The following GGNBP2 variants were observed in gnomAD, a reference collection of about 807,000 sequenced individuals.
GGNBP2 encodes the protein gametogenetin-binding protein 2.
In GGNBP2, 10 loss-of-function variants were observed where a neutral mutation model predicts 85.9. That is an observed-to-expected ratio of 0.12 (90% CI 0.07 to 0.20). The LOEUF (loss-of-function observed/expected upper bound fraction) is 0.20, where lower values mean the gene tolerates loss of function less well. GGNBP2 is among the 10% of genes least tolerant of loss of function. The pLI is 1.00. For missense variants in GGNBP2, 595 were observed against 857.8 expected (o/e 0.69, Z 3.83); for synonymous variants, 287 against 285.7 (o/e 1.00, Z -0.05).
At chr17:36,579,985 G>A (rs1599544981) in intron 8 of GGNBP2, among the ~76,000 whole-genome samples, 3 of 151,806 alleles carry the variant, frequency 2.0e-5, no homozygotes, top group African/African-American at 7.3e-5. Flanking sequence ...ACTCCAGCCT[G>A]GGCAACAAGA....
rs200851343 is a variant in GGNBP2, at chr17:36,557,084, G to A, written c.176G>A (p.Arg59Gln). 3.5e-4 allele frequency: 571 copies of A among 1,613,750 alleles called. No homozygotes were observed. Among genetic ancestry groups the A allele is most frequent in the Non-Finnish European group, 4.5e-4 (527 of 1,179,902 alleles). ...NGAQLKQFIQ[R>Q]HGMLKQQDLS... ...TTTCATTTTCTTTCCCTCTTTCAGCGACATGGTATGCTTAAGCAACAGGAT... is the reference window on the plus strand; with the variant it reads ...TTTCATTTTCTTTCCCTCTTTCAGCAACATGGTATGCTTAAGCAACAGGAT... Residue 59 changes from arginine (R) to glutamine (Q), a missense_variant and splice_region_variant, in exon 4 of 14, where the codon CGA (arginine) becomes CAA (glutamine). By Grantham distance (43) the Arg-to-Gln change is conservative. This residue lies in a region of GGNBP2 where 216 missense variants were observed against 293.4 expected (regional missense o/e 0.74). Coordinates refer to ENST00000613102, the MANE Select transcript of GGNBP2 (RefSeq NM_024835.5).
chr17:36,575,950 A>G (rs1488162969), intron 6 of GGNBP2, among the ~76,000 whole-genome samples: 2 of 150,756 alleles, frequency 1.3e-5, no homozygotes, highest in East Asian at 4.0e-4. Context: ...CCCAGCCCAT[A>G]TCTTCATTTT....
At chr17:36,555,423 G>A (rs779780929) in intron 3 of GGNBP2, among the ~76,000 whole-genome samples, 5 of 152,238 alleles carry the variant, frequency 3.3e-5, no homozygotes, top group Non-Finnish European at 5.9e-5. Context: ...GCTAGGCATG[G>A]TGGCTCATGC....
intron 9 of GGNBP2, among the ~76,000 whole-genome samples, chr17:36,583,922 A>G (rs566123549): frequency 1.3e-5 from 2 of 152,356 alleles, no homozygotes; most frequent in African/African-American, 4.8e-5. Flanking sequence ...CCGTTGGACT[A>G]TATTGGACTT....
In GGNBP2 at chr17:36,567,514, A is replaced by G; in HGVS notation, c.528-149A>G. On this transcript the variant is annotated intron_variant, in intron 5 of 13. Coordinates refer to ENST00000613102, the MANE Select transcript of GGNBP2 (RefSeq NM_024835.5). ...ATGAGAAATAGTGAAGGCCACAGGA[A>G]GGACGGCAAGTATAGGATCATTTTC... 8.6e-6 allele frequency: 5 copies of G among 579,680 alleles called. No individual in the cohort carries two copies. In the South Asian group the frequency reaches 1.1e-4, roughly 13 times the overall value. 35.9% of individuals were successfully genotyped at this position (579,680 alleles called of 1,614,324 possible).
intron 6 of GGNBP2, 142 bp from the exon 7 acceptor site, chr17:36,577,841 T>G: frequency 1.5e-6 from 1 of 686,528 alleles, no homozygotes; most frequent in Non-Finnish European, 2.6e-6. Context: ...TTACCTTATG[T>G]GCGTATGTTT....
intron 5 of GGNBP2, among the ~76,000 whole-genome samples, chr17:36,567,208 T>G (rs1166616523): frequency 2.0e-5 from 3 of 152,148 alleles, no homozygotes; most frequent in Non-Finnish European, 2.9e-5. Flanking sequence ...TCTTGATAAC[T>G]ACAGATGTTG....
At chr17:36,580,128 G>T (rs2074632071) in intron 8 of GGNBP2, among the ~76,000 whole-genome samples, 1 of 152,142 alleles carries the variant, frequency 6.6e-6, no homozygotes, top group African/African-American at 2.4e-5. Context: ...CATTTTGCCT[G>T]CTAATGTCCA....
intron 5 of GGNBP2, among the ~76,000 whole-genome samples, chr17:36,566,612 G>T (rs2142735337): frequency 6.6e-6 from 1 of 152,014 alleles, no homozygotes; most frequent in South Asian, 2.1e-4. Context: ...CCCTGCAGGG[G>T]TGGGGTTGCA....
intron 12 of GGNBP2, 195 bp from the exon 13 acceptor site, chr17:36,586,802 A>G (rs2074705985): frequency 1.9e-6 from 1 of 526,424 alleles, no homozygotes; most frequent in Admixed American, 3.3e-5. Flanking sequence ...CATTTTTAGT[A>G]GAGATGGCAT....
chr17:36,578,995 C>A, intron 7 of GGNBP2: 1 of 430,142 alleles, frequency 2.3e-6, no homozygotes. Flanking sequence ...CCCTAAAACC[C>A]ATCTTTTTAG....
intron 13 of GGNBP2, among the ~76,000 whole-genome samples, chr17:36,588,605 T>TA (rs1220288817): frequency 1.4e-5 from 2 of 144,704 alleles, no homozygotes; most frequent in African/African-American, 2.5e-5. Context: ...TATTTATTTA[T>TA]TTTTTTTTTT....
chr17:36,569,840 T>C (rs1176357145), intron 6 of GGNBP2, among the ~76,000 whole-genome samples: 3 of 152,172 alleles, frequency 2.0e-5, no homozygotes, highest in African/African-American at 7.2e-5. Flanking sequence ...TTAGAGCACA[T>C]GTTTTGGAGT....
intron 2 of GGNBP2, among the ~76,000 whole-genome samples, chr17:36,553,336 C>G (rs551788684): frequency 2.0e-4 from 31 of 152,202 alleles, no homozygotes; most frequent in African/African-American, 7.0e-4. Flanking sequence ...ATCTATTTGT[C>G]TCTGTACTTC....
chr17:36,545,879 C>T (rs1555602216), intron 2 of GGNBP2, 62 bp downstream of exon 2: 1 of 1,187,594 alleles, frequency 8.4e-7, no homozygotes, highest in South Asian at 1.3e-5. Flanking sequence ...CCTCCTCCCC[C>T]TCCCCCAGGC....
chr17:36,567,862 A>C, intron 6 of GGNBP2, 86 bp downstream of exon 6: 1 of 657,764 alleles, frequency 1.5e-6, no homozygotes, highest in Admixed American at 2.5e-5. Context: ...ACTCCTTTGT[A>C]TAATAGCATT....
chr17:36,554,918 CAG>C lies in GGNBP2; in HGVS notation c.174+19_174+20del. 6.8e-7 allele frequency: 1 copy of C among 1,468,436 alleles called. No homozygotes were observed. Among genetic ancestry groups the C allele is most frequent in the East Asian group, 2.3e-5 (1 of 44,192 alleles). 91.0% of individuals were successfully genotyped at this position (1,468,436 alleles called of 1,614,324 possible). ...TCATTCAGGTAATAGTTTTTTCAATCAGTGTTTTTAATGGTGTATGTGTATTT... is the reference window on the plus strand; with the variant it reads ...TCATTCAGGTAATAGTTTTTTCAATCTGTTTTTAATGGTGTATGTGTATTT... On this transcript the variant is annotated intron_variant, in intron 3 of 13. Coordinates refer to ENST00000613102, the MANE Select transcript of GGNBP2 (RefSeq NM_024835.5).
intron 10 of GGNBP2, 54 bp downstream of exon 10, chr17:36,585,504 G>T: frequency 5.6e-6 from 7 of 1,240,938 alleles, no homozygotes; most frequent in Non-Finnish European, 8.0e-6. Context: ...CTTTCTTACT[G>T]TTAAATGTAA....
chr17:36,547,207 A>G (rs1374899385), intron 2 of GGNBP2: 1 of 152,210 alleles, frequency 6.6e-6, no homozygotes, highest in African/African-American at 2.4e-5. Context: ...CTGTGATCAT[A>G]TTAAATAATG....
Sources: gnomAD v4.1 joint callset for allele counts (sites outside exome capture counted in the v4.1 genomes callset) on GRCh38, gnomAD v4.1.1 for gene constraint, gnomAD v4.1.1 regional missense constraint, MANE v1.5 for transcripts, NCBI Gene and HGNC (gene_info 2026-07-23, HGNC 2026-07-21) for gene names.